Variants in MAPRE2 observed in about 807,000 individuals in gnomAD.
The protein encoded by MAPRE2 is microtubule-associated protein RP/EB family member 2.
Under a neutral mutation model 43.2 loss-of-function variants are expected in MAPRE2, and 13 were observed. That is an observed-to-expected ratio of 0.30 (90% confidence interval 0.20 to 0.48). The LOEUF is 0.48. Ranked by LOEUF, MAPRE2 falls within the 20% of genes least tolerant of loss-of-function variation. The pLI is 0.99. For missense variants in MAPRE2, 161 were observed against 400.2 expected (o/e 0.40, Z 5.10); for synonymous variants, 135 against 148.8 (o/e 0.91, Z 0.68).
At chr18:35,090,109 T>G (rs1603399959) in intron 2 of MAPRE2, among the ~76,000 whole-genome samples, 1 of 152,098 alleles carries the variant, frequency 6.6e-6, no homozygotes, top group African/African-American at 2.4e-5. Flanking sequence ...GAAAATAGAT[T>G]AGTGGTTGCC....
chr18:35,021,065 A>T (rs2097041627), intron 2 of MAPRE2, among the ~76,000 whole-genome samples: 1 of 152,158 alleles, frequency 6.6e-6, no homozygotes, highest in Admixed American at 6.6e-5. Context: ...AGGACATTCC[A>T]GGCGAGAAAT....
At chr18:35,137,445 G>A (rs1185412629) in intron 6 of MAPRE2, among the ~76,000 whole-genome samples, 1 of 152,200 alleles carries the variant, frequency 6.6e-6, no homozygotes, top group African/African-American at 2.4e-5. Context: ...TTGAATCTAG[G>A]TCTTTCAACT....
At chr18:35,127,807 T>C (rs150120574) in intron 5 of MAPRE2, among the ~76,000 whole-genome samples, 2,980 of 152,322 alleles carry the variant, frequency 0.02, 45 homozygotes, top group Non-Finnish European at 0.029. Flanking sequence ...TTAATATGCC[T>C]CACAGTTATG....
At chr18:35,132,217 G>A in intron 6 of MAPRE2, 27 bp downstream of exon 6, 1 of 1,610,184 alleles carries the variant, frequency 6.2e-7, no homozygotes, top group South Asian at 1.1e-5. Context: ...TGTGACTCCT[G>A]TGTTCTAAAA....
At chr18:35,130,747 C>T (rs1910108882) in intron 5 of MAPRE2, among the ~76,000 whole-genome samples, 1 of 152,184 alleles carries the variant, frequency 6.6e-6, no homozygotes, top group African/African-American at 2.4e-5. Context: ...TGGGGATCCT[C>T]AGAGACCAGG....
rs1359194976 is a variant in MAPRE2 at position 34,985,052 on chromosome 18, T to A, written c.-70+7973T>A. Among the ~76,000 whole-genome samples, 60 of 51,568 alleles carry A rather than the reference T, an allele frequency of 1.2e-3. 1 individual carries two copies. The highest frequency in any genetic ancestry group is 3.9e-3 in the East Asian group (7 of 1,794). The allele number at this position is 51,568 out of a possible 152,430, so 33.8% of individuals were successfully genotyped here. A position where few individuals can be genotyped will look rare whatever the true frequency, so the allele number is the denominator to read the frequency against. ...TAAAATATATAATATATAAAATATA[T>A]TATATAATATATAAAATAAAATATA... On this transcript the variant is annotated intron_variant, in intron 1 of 7. Coordinates refer to the MAPRE2 transcript ENST00000413393.
chr18:35,087,035 G>C (rs1306586458), intron 2 of MAPRE2, among the ~76,000 whole-genome samples: 1 of 152,110 alleles, frequency 6.6e-6, no homozygotes, highest in East Asian at 1.9e-4. Context: ...AAATGAAATT[G>C]TCTTAGGCTT....
intron 2 of MAPRE2, among the ~76,000 whole-genome samples, chr18:35,026,975 C>G (rs72950602): frequency 0.12 from 18,952 of 152,224 alleles, 1,582 homozygotes; most frequent in South Asian, 0.21. Flanking sequence ...AAATGAGACT[C>G]TGAGGCTCAT....
chr18:35,000,044 G>A (rs533344106), intron 1 of MAPRE2, among the ~76,000 whole-genome samples: 6 of 152,046 alleles, frequency 3.9e-5, no homozygotes, highest in Non-Finnish European at 8.8e-5. Context: ...AATGCTGCAA[G>A]CTGCTTTATT....
chr18:34,981,305 G>A lies in MAPRE2; in HGVS notation c.-70+4226G>A, dbSNP rs1470335140. 2.6e-5 allele frequency among the ~76,000 whole-genome samples: 4 copies of A among 151,820 alleles called. No individual in the cohort carries two copies. The East Asian group carries it at 7.8e-4, about 29-fold the overall frequency. ...GAGAGGATCGCTTGAATCTGGGGAG[G>A]CAACAGAAGTTGCAGTGATCTAAGA... On this transcript the variant is annotated intron_variant, in intron 1 of 7. Coordinates refer to the MAPRE2 transcript ENST00000413393.
rs907773820 is a variant in MAPRE2, at chr18:35,142,135, C to T, written c.*1766C>T. 1 of 152,260 alleles carries T rather than the reference C, an allele frequency of 6.6e-6. No individual in the cohort carries two copies. The allele number at this position is 152,260 out of a possible 1,614,324, so 9.4% of individuals were successfully genotyped here. A position where few individuals can be genotyped will look rare whatever the true frequency, so the allele number is the denominator to read the frequency against. Reference sequence around the variant, plus strand: ...TTCTCTAAGGCTGGACAGCCTGGCTCTCGGCAGTGACGTCCTCCCACACCT... The same window carrying T: ...TTCTCTAAGGCTGGACAGCCTGGCTTTCGGCAGTGACGTCCTCCCACACCT... On this transcript the variant is annotated 3_prime_UTR_variant, in exon 7 of 7. Transcript: ENST00000300249.
chr18:35,009,453 C>A (rs754790437), intron 2 of MAPRE2, among the ~76,000 whole-genome samples: 7 of 152,200 alleles, frequency 4.6e-5, no homozygotes, highest in African/African-American at 7.2e-5. Flanking sequence ...GCAGAAGATA[C>A]ACAAGGTTAG....
At chr18:35,075,415 T>A (rs1291533401) in intron 2 of MAPRE2, among the ~76,000 whole-genome samples, 1 of 152,194 alleles carries the variant, frequency 6.6e-6, no homozygotes, top group African/African-American at 2.4e-5. Context: ...AGGTTACCGA[T>A]GAAATCTGCT....
At chr18:35,053,602 C>G (rs1463546400) in intron 1 of MAPRE2, among the ~76,000 whole-genome samples, 1 of 151,284 alleles carries the variant, frequency 6.6e-6, no homozygotes, top group Admixed American at 6.6e-5. Context: ...TTAAGACATT[C>G]TTTTCTTTGT....
At position 35,050,438 on chromosome 18, in the gene MAPRE2, G is replaced by GTT. The variant is rs577855720; in HGVS notation, c.122+8779_122+8780dup. On this transcript the variant is annotated intron_variant, in intron 1 of 6. Transcript: ENST00000300249. ...CATCTGCCTCATTTAGCCCTTTGAGGTTTCACACATAGCAATCCATAGTGG... is the reference window on the plus strand; with the variant it reads ...CATCTGCCTCATTTAGCCCTTTGAGGTTTTTCACACATAGCAATCCATAGTGG... 8.5e-5 allele frequency among the ~76,000 whole-genome samples: 13 copies of GTT among 152,200 alleles called. No individual in the cohort carries two copies. The South Asian group carries it at 2.7e-3, about 32-fold the overall frequency.
At chr18:35,127,971 G>A (rs1909980892) in intron 5 of MAPRE2, among the ~76,000 whole-genome samples, 1 of 152,216 alleles carries the variant, frequency 6.6e-6, no homozygotes, top group East Asian at 1.9e-4. Context: ...TGGCTACCCT[G>A]CCGCTATGAG....
chr18:34,996,035 C>T (rs1000994375), intron 1 of MAPRE2, among the ~76,000 whole-genome samples: 1 of 152,142 alleles, frequency 6.6e-6, no homozygotes, highest in Admixed American at 6.5e-5. Flanking sequence ...CACAGATGAA[C>T]CTGATAGTTA....
chr18:35,031,206 T>C (rs1489624179), intron 2 of MAPRE2, among the ~76,000 whole-genome samples: 2 of 152,224 alleles, frequency 1.3e-5, no homozygotes, highest in African/African-American at 4.8e-5. Flanking sequence ...TCAGGGAATT[T>C]TGTCTACAAA....
chr18:35,139,898 G>T (rs998138995), intron 6 of MAPRE2, among the ~76,000 whole-genome samples: 1 of 152,196 alleles, frequency 6.6e-6, no homozygotes, highest in Non-Finnish European at 1.5e-5. Context: ...TACCATGGAG[G>T]CCAGGGGTGC....
Sources: allele counts gnomAD v4.1 joint callset (sites outside exome capture counted in the v4.1 genomes callset), GRCh38; gene constraint gnomAD v4.1.1; transcripts MANE v1.5; gene names NCBI Gene and HGNC (gene_info 2026-07-23, HGNC 2026-07-21).